The following RAD21 variants were observed in gnomAD, a reference collection of about 807,000 sequenced individuals.
The protein encoded by RAD21 is RAD21 cohesin complex component, also known as double-strand-break repair protein rad21 homolog.
RAD21 carries 18 observed loss-of-function variants against 71.5 expected under a neutral mutation model. That is an observed-to-expected ratio of 0.25 (90% confidence interval 0.17 to 0.37). RAD21 has a LOEUF of 0.37. Among genes scored for constraint, RAD21 ranks in the 10% least tolerant of loss-of-function variants. RAD21 has a pLI of 1.00. For synonymous variants in RAD21, 248 were observed against 254.0 expected (o/e 0.98, Z 0.22); for missense variants, 493 against 769.1 (o/e 0.64, Z 4.25).
At chr8:116,860,393 G>C (rs762182358) in intron 4 of RAD21, among the ~76,000 whole-genome samples, 1 of 152,098 alleles carries the variant, frequency 6.6e-6, no homozygotes, top group Non-Finnish European at 1.5e-5. Context: ...AGCATTGTAC[G>C]CTACAAAGAA....
chr8:116,867,809 C>A (rs1170567311), intron 1 of RAD21, among the ~76,000 whole-genome samples: 1 of 152,152 alleles, frequency 6.6e-6, no homozygotes, highest in Non-Finnish European at 1.5e-5. Context: ...CCTAGTTTCT[C>A]CCAATGGTGA....
chr8:116,863,338 A>G, intron 2 of RAD21, 79 bp from the exon 3 acceptor site: 3 of 1,468,720 alleles, frequency 2.0e-6, no homozygotes, highest in Non-Finnish European at 2.8e-6. Context: ...TTTTCCTTTA[A>G]AGTTGCCTTA....
In RAD21 at chr8:116,847,670, C is replaced by G; in HGVS notation, c.1726G>C (p.Ala576Pro). Residue 576 changes from alanine to proline, a missense_variant, in exon 14 of 14, where the codon GCT becomes CCT. Physicochemically the swap from Ala to Pro is conservative, Grantham distance 27. Around this residue, in one of 5 missense-constraint regions of RAD21, gnomAD observed 225 missense variants for 218.3 expected, o/e 1.03. Coordinates refer to ENST00000297338, the MANE Select transcript of RAD21 (RefSeq NM_006265.3). ...GLQRALAKTG[A>P]ESISLLELCR... ...AACTCAAGCAAACTGATAGATTCAG[C>G]TCCAGTTTTAGCAAGAGCACGCTGA... The G allele has an allele frequency of 6.2e-7, 1 of 1,613,360 alleles. No homozygotes were observed. The highest frequency in any genetic ancestry group is 8.5e-7 in the Non-Finnish European group (1 of 1,179,718).
In RAD21 at chr8:116,847,359, G is replaced by GA; in HGVS notation, c.*140dup. ...TGAAATTGACAAATTTAATGTACTG[G>GA]AAAAAAATGAAGAAGGAAAAAGGCA... On this transcript the variant is annotated 3_prime_UTR_variant, in exon 14 of 14. Transcript: ENST00000297338. 1 of 685,270 alleles carries GA rather than the reference G, an allele frequency of 1.5e-6. No individual in the cohort carries two copies. The highest frequency in any genetic ancestry group is 2.3e-6 in the Non-Finnish European group (1 of 427,872). The allele number at this position is 685,270 out of a possible 1,614,324, so 42.4% of individuals were successfully genotyped here. A position where few individuals can be genotyped will look rare whatever the true frequency, so the allele number is the denominator to read the frequency against.
At chr8:116,866,926 T>C in intron 1 of RAD21, 165 bp from the exon 2 acceptor site, 1 of 442,798 alleles carries the variant, frequency 2.3e-6, no homozygotes, top group Non-Finnish European at 3.7e-6. Flanking sequence ...AAAACAAATC[T>C]ATTGTTTTAA....
intron 1 of RAD21, among the ~76,000 whole-genome samples, chr8:116,873,426 A>C (rs1448698923): frequency 6.6e-6 from 1 of 152,242 alleles, no homozygotes; most frequent in Non-Finnish European, 1.5e-5. Context: ...TAATGACTTC[A>C]CGATTTGAGA....
At chr8:116,870,533 A>G (rs1812799258) in intron 1 of RAD21, among the ~76,000 whole-genome samples, 1 of 152,242 alleles carries the variant, frequency 6.6e-6, no homozygotes, top group African/African-American at 2.4e-5. Flanking sequence ...AGAGCCTCCT[A>G]TGTTTCAAAT....
rs973718218 is a variant in RAD21 at position 116,863,089 on chromosome 8, A to C, written c.274+41T>G. The C allele has an allele frequency of 1.9e-6, 3 of 1,562,648 alleles. No individual in the cohort carries two copies. The African/African-American group carries it at 4.4e-5, about 23-fold the overall frequency. On this transcript the variant is annotated intron_variant, in intron 3 of 13. Transcript: ENST00000297338. ...ACACAAAAAACATGAGAAACTCCAA[A>C]GTAAACAACAACAACAAAAACCAAA... is the stretch of plus-strand genomic sequence containing the variant.
chr8:116,866,522 AG>A, intron 2 of RAD21, 63 bp downstream of exon 2: 1 of 1,496,680 alleles, frequency 6.7e-7, no homozygotes, highest in Non-Finnish European at 9.0e-7. Flanking sequence ...CTGTTTTAGA[AG>A]TTCTATTTCA....
At chr8:116,872,396 C>T (rs146787584) in intron 1 of RAD21, among the ~76,000 whole-genome samples, 9 of 151,784 alleles carry the variant, frequency 5.9e-5, no homozygotes, top group Non-Finnish European at 1.2e-4. Flanking sequence ...AATGCTCTTT[C>T]TCTATATATT....
chr8:116,859,356 T>C (rs16888950), intron 4 of RAD21, among the ~76,000 whole-genome samples: 27 of 152,146 alleles, frequency 1.8e-4, no homozygotes, highest in Non-Finnish European at 3.8e-4. Context: ...TTTTCATTAT[T>C]ATATTTGTTA....
intron 2 of RAD21, 145 bp from the exon 3 acceptor site, chr8:116,863,404 T>C (rs1053072054): frequency 2.2e-5 from 20 of 890,502 alleles, no homozygotes; most frequent in Middle Eastern, 2.4e-4. Context: ...TCGAATATCC[T>C]GAAAAGACAG....
In RAD21 at chr8:116,854,242, TA is replaced by T; in HGVS notation, c.1161+2del. On this transcript the variant is annotated splice_donor_variant, in intron 9 of 13. Transcript: ENST00000297338. LOFTEE classifies it high-confidence loss of function. ...GAAGTAAAAATTCTGCAAACTATAT[TA>T]CCTTCAGTAGTCTGTTATTCCACAA... is the stretch of plus-strand genomic sequence containing the variant. 6.2e-7 allele frequency: 1 copy of T among 1,602,592 alleles called. No homozygotes were observed. The highest frequency in any genetic ancestry group is 8.5e-7 in the Non-Finnish European group (1 of 1,171,414).
Position 116,852,659 on chromosome 8 carries a change from C to G in RAD21, c.1211G>C (p.Arg404Thr). Residue 404 changes from arginine (R) to threonine (T), a missense_variant, in exon 10 of 14, where the codon AGG becomes ACG. By Grantham distance (71) the Arg-to-Thr change is moderately conservative. Transcript: ENST00000297338. ...ATTATCTGCCTCTCCTCCTTTCCTC[C>G]TTTTTCTAAGGTCTTCTGGTACAAG... is the stretch of plus-strand genomic sequence containing the variant. Reference protein sequence around the residue: ...TPLVPEDLRKRRKGGEADNLD... With the variant: ...TPLVPEDLRKTRKGGEADNLD... 6.2e-7 allele frequency: 1 copy of G among 1,612,756 alleles called. No homozygotes were observed.
At chr8:116,866,477 T>C (rs1812696880) in intron 2 of RAD21, 109 bp downstream of exon 2, 2 of 933,588 alleles carry the variant, frequency 2.1e-6, no homozygotes, top group Admixed American at 3.0e-5. Context: ...TTTCTAAGGA[T>C]TTTCCTTGCA....
At chr8:116,869,851 GTAAT>G (rs1252708678) in intron 1 of RAD21, among the ~76,000 whole-genome samples, 2 of 152,272 alleles carry the variant, frequency 1.3e-5, no homozygotes, top group East Asian at 1.9e-4. Flanking sequence ...AAGATACAGA[GTAAT>G]TATTTTTCAT....
At chr8:116,862,978 C>T (rs1286439139) in intron 3 of RAD21, 152 bp downstream of exon 3, 13 of 1,005,162 alleles carry the variant, frequency 1.3e-5, no homozygotes, top group Non-Finnish European at 1.7e-5. Flanking sequence ...CACTGCCTCC[C>T]CAAGCCTTGC....
chr8:116,854,839 A>G (rs900295539), intron 8 of RAD21, among the ~76,000 whole-genome samples: 1 of 152,184 alleles, frequency 6.6e-6, no homozygotes, highest in Non-Finnish European at 1.5e-5. Context: ...CATCACTCAA[A>G]CTCACAGATT....
intron 4 of RAD21, 81 bp from the exon 5 acceptor site, chr8:116,858,539 TTAAAA>T: frequency 1.8e-6 from 2 of 1,137,260 alleles, no homozygotes; most frequent in African/African-American, 1.6e-5. Flanking sequence ...ATAAGAAAAA[TTAAAA>T]AAATATATAT....
Sources: allele counts gnomAD v4.1 joint callset (sites outside exome capture counted in the v4.1 genomes callset), GRCh38; gene constraint gnomAD v4.1.1; regional missense constraint gnomAD v4.1.1; transcripts MANE v1.5; gene names NCBI Gene and HGNC (gene_info 2026-07-23, HGNC 2026-07-21).